The following LAMA1 variants were observed in gnomAD, a reference collection of about 807,000 sequenced individuals.
The protein encoded by LAMA1 is laminin subunit alpha-1.
In LAMA1, 219 loss-of-function variants were observed where a neutral mutation model predicts 348.7. That is an observed-to-expected ratio of 0.63 (90% CI 0.56 to 0.70). LAMA1 has a LOEUF of 0.70. Among genes scored for constraint, LAMA1 ranks in the 30% least tolerant of loss-of-function variants. The pLI is 0.00. For synonymous variants in LAMA1, 1,487 were observed against 1,491.0 expected (o/e 1.00, Z 0.06); for missense variants, 3,744 against 3,888.0 (o/e 0.96, Z 0.99).
chr18:6,941,809 C>G lies in LAMA1; in HGVS notation c.*270G>C. 4.5e-6 allele frequency: 2 copies of G among 442,116 alleles called. No homozygotes were observed. Among genetic ancestry groups the G allele is most frequent in the Non-Finnish European group, 8.3e-6 (2 of 241,170 alleles). 27.4% of individuals were successfully genotyped at this position (442,116 alleles called of 1,614,324 possible). A position where few individuals can be genotyped will look rare whatever the true frequency, so the allele number is the denominator to read the frequency against. On this transcript the variant is annotated 3_prime_UTR_variant, in exon 63 of 63. Transcript: ENST00000389658. ...CAAAATGAAAAACATAAAATACTAT[C>G]AAGTAATCAACAGAACATTCAATGT... is the stretch of plus-strand genomic sequence containing the variant.
intron 29 of LAMA1, among the ~76,000 whole-genome samples, chr18:7,004,286 C>T (rs1160952297): frequency 1.3e-5 from 2 of 152,168 alleles, no homozygotes; most frequent in Non-Finnish European, 2.9e-5. Flanking sequence ...GTAACCAGGA[C>T]GAGGAGCTCC....
At position 6,986,141 on chromosome 18, in the gene LAMA1, A is replaced by G. The variant is rs1283272987; in HGVS notation, c.5375T>C (p.Phe1792Ser). The G allele has an allele frequency of 6.2e-7, 1 of 1,614,146 alleles. No homozygotes were observed. Among genetic ancestry groups the G allele is most frequent in the South Asian group, 1.1e-5 (1 of 91,080 alleles). ...LLMVNANLREFSDKKLHVQEE... is the reference protein window; with the variant it reads ...LLMVNANLRESSDKKLHVQEE... Reference sequence around the variant, plus strand: ...GAGAGAGCAAGTGAGACTCACACTGAATTCTCTCAGATTAGCATTGACCAT... The same window carrying G: ...GAGAGAGCAAGTGAGACTCACACTGGATTCTCTCAGATTAGCATTGACCAT... Residue 1792 changes from phenylalanine to serine, a missense_variant, in exon 37 of 63, where the codon TTC becomes TCC. Physicochemically the swap from Phe to Ser is radical, Grantham distance 155. This residue lies in a region of LAMA1 where 1,983 missense variants were observed against 1,934.3 expected (regional missense o/e 1.03). Coordinates refer to ENST00000389658, the MANE Select transcript of LAMA1 (RefSeq NM_005559.4).
Position 6,973,114 on chromosome 18 carries a change from A to C in LAMA1, c.6717T>G (p.Val2239=), listed in dbSNP as rs964628475. ...TGAGTGTTGAATTGTTTACATCCAGAACATTAGCTGTCCCAGGGGATTTAC... is the reference window on the plus strand; with the variant it reads ...TGAGTGTTGAATTGTTTACATCCAGCACATTAGCTGTCCCAGGGGATTTAC... The part of the protein sequence containing the change: ...KTSKSPGTAN[V]LDVNNSTLMF... The change falls in exon 47 of 63, where the codon GTT becomes GTG. Residue 2239 remains valine (V), a synonymous_variant. Coordinates refer to ENST00000389658, the MANE Select transcript of LAMA1 (RefSeq NM_005559.4). The C allele has an allele frequency of 4.3e-6, 7 of 1,614,064 alleles. No individual in the cohort carries two copies. The Admixed American group carries it at 5.0e-5, about 12-fold the overall frequency.
chr18:6,942,206 G>T lies in LAMA1; in HGVS notation c.9101C>A (p.Thr3034Asn), dbSNP rs2057501610. 6.2e-7 allele frequency: 1 copy of T among 1,614,024 alleles called. No homozygotes were observed. The highest frequency in any genetic ancestry group is 1.3e-5 in the African/African-American group (1 of 74,930). The change falls in exon 63 of 63, where the codon ACC becomes AAC. Residue 3034 changes from threonine (T) to asparagine (N), a missense_variant. Coordinates refer to ENST00000389658, the MANE Select transcript of LAMA1 (RefSeq NM_005559.4). Reference sequence around the variant, plus strand: ...CTTCCTCAAACACCCGCGGAACGAGGTCTGGCTGCGCAGGCATTTTTGCTT... The same window carrying T: ...CTTCCTCAAACACCCGCGGAACGAGTTCTGGCTGCGCAGGCATTTTTGCTT... Reference protein sequence around the residue: ...GVKQKCLRSQTSFRGCLRKLA... With the variant: ...GVKQKCLRSQNSFRGCLRKLA...
intron 55 of LAMA1, chr18:6,957,458 C>T (rs756737462): frequency 6.5e-6 from 1 of 153,028 alleles, no homozygotes; most frequent in Admixed American, 6.5e-5. Flanking sequence ...AAACCCAACG[C>T]TATGTTTTAT....
At chr18:7,026,998 A>T (rs1027541710) in intron 16 of LAMA1, among the ~76,000 whole-genome samples, 5 of 151,842 alleles carry the variant, frequency 3.3e-5, no homozygotes, top group African/African-American at 9.7e-5. Context: ...AAAAAAAAAA[A>T]AGATTATATT....
intron 13 of LAMA1, among the ~76,000 whole-genome samples, chr18:7,035,214 A>C (rs1360642110): frequency 6.6e-6 from 1 of 152,084 alleles, no homozygotes; most frequent in Non-Finnish European, 1.5e-5. Flanking sequence ...CCACTTGGGG[A>C]GTCCTCCTGA....
chr18:7,059,071 G>A (rs1385876636), intron 3 of LAMA1, among the ~76,000 whole-genome samples: 1 of 152,038 alleles, frequency 6.6e-6, no homozygotes, highest in Non-Finnish European at 1.5e-5. Flanking sequence ...TGTATTTTTA[G>A]TAGAGACGAG....
intron 19 of LAMA1, among the ~76,000 whole-genome samples, chr18:7,018,644 C>T (rs933725764): frequency 4.6e-5 from 7 of 152,134 alleles, no homozygotes; most frequent in Admixed American, 1.3e-4. Flanking sequence ...ATCTGCCCGC[C>T]TCGGCCTTCC....
intron 17 of LAMA1, among the ~76,000 whole-genome samples, chr18:7,024,738 G>T (rs1360008204): frequency 6.6e-6 from 1 of 152,060 alleles, no homozygotes; most frequent in Non-Finnish European, 1.5e-5. Context: ...TGCTTCTCTC[G>T]CTGTCTGCCT....
chr18:6,945,286 A>T (rs1217905467), intron 61 of LAMA1, among the ~76,000 whole-genome samples: 1 of 152,202 alleles, frequency 6.6e-6, no homozygotes, highest in Non-Finnish European at 1.5e-5. Context: ...GCTGTAAGTC[A>T]GTGTAGAGAG....
intron 3 of LAMA1, among the ~76,000 whole-genome samples, chr18:7,063,485 A>C (rs1175076813): frequency 6.6e-6 from 1 of 152,188 alleles, no homozygotes; most frequent in Non-Finnish European, 1.5e-5. Context: ...CATGATGCAG[A>C]AATTCCTCTT....
intron 12 of LAMA1, among the ~76,000 whole-genome samples, chr18:7,037,376 T>C (rs946256004): frequency 1.3e-5 from 2 of 152,138 alleles, no homozygotes; most frequent in Admixed American, 1.3e-4. Context: ...AGAGCAGAAG[T>C]TCTTATTTGA....
intron 1 of LAMA1, among the ~76,000 whole-genome samples, chr18:7,085,144 C>A (rs2058209442): frequency 6.6e-6 from 1 of 151,938 alleles, no homozygotes; most frequent in Non-Finnish European, 1.5e-5. Flanking sequence ...GCTACAGGAT[C>A]TGAGGCAATA....
intron 23 of LAMA1, among the ~76,000 whole-genome samples, chr18:7,013,066 CAGG>C (rs2057868645): frequency 6.6e-6 from 1 of 151,832 alleles, no homozygotes; most frequent in Non-Finnish European, 1.5e-5. Flanking sequence ...GAGGCTGAGG[CAGG>C]AGAATTGCTT....
chr18:7,007,616 G>C (rs2057838576), intron 28 of LAMA1, among the ~76,000 whole-genome samples: 1 of 152,120 alleles, frequency 6.6e-6, no homozygotes, highest in African/African-American at 2.4e-5. Context: ...ATATGATTCT[G>C]CAAGTCCACT....
chr18:7,051,557 GTAT>G (rs1262123760), intron 3 of LAMA1, among the ~76,000 whole-genome samples: 1 of 152,006 alleles, frequency 6.6e-6, no homozygotes, highest in East Asian at 1.9e-4. Context: ...TAAATATGTA[GTAT>G]TATTATTATT....
chr18:7,108,539 C>G (rs1325182284), intron 1 of LAMA1, among the ~76,000 whole-genome samples: 1 of 147,308 alleles, frequency 6.8e-6, no homozygotes. Flanking sequence ...CAGGCCATTC[C>G]CAGCTACTCA....
Position 7,023,303 on chromosome 18 carries a change from G to A in LAMA1, c.2562C>T (p.Asn854=), listed in dbSNP as rs188317411. 5.1e-5 allele frequency: 83 copies of A among 1,614,140 alleles called. No individual in the cohort carries two copies. In the Admixed American group the frequency reaches 6.7e-4, roughly 13 times the overall value. ...ESCVPCDCSG[N]VDPSEAGHCD... is the part of the protein sequence containing the mutation. ...AGTGACCAGCCTCCGAGGGGTCCAC[G>A]TTGCCGCTGCAGTCACAGGGAACAC... Residue 854 remains asparagine, a synonymous_variant, in exon 19 of 63, where the codon AAC becomes AAT. Coordinates refer to ENST00000389658, the MANE Select transcript of LAMA1 (RefSeq NM_005559.4).
Sources: allele counts gnomAD v4.1 joint callset (sites outside exome capture counted in the v4.1 genomes callset), GRCh38; gene constraint gnomAD v4.1.1; regional missense constraint gnomAD v4.1.1; transcripts MANE v1.5; gene names NCBI Gene and HGNC (gene_info 2026-07-23, HGNC 2026-07-21).